The following GLI2 variants were observed in gnomAD, a reference collection of about 807,000 sequenced individuals.
The protein encoded by GLI2 is GLI family zinc finger 2.
Under a neutral mutation model 78.9 loss-of-function variants are expected in GLI2, and 22 were observed. The observed-to-expected ratio is 0.28, with a 90% confidence interval of 0.20 to 0.40. The LOEUF is 0.40. Among genes scored for constraint, GLI2 ranks in the 10% least tolerant of loss-of-function variants. The pLI is 1.00. For missense variants in GLI2, 2,097 were observed against 2,213.2 expected (o/e 0.95, Z 1.05); for synonymous variants, 974 against 963.7 (o/e 1.01, Z -0.20).
intron 3 of GLI2, among the ~76,000 whole-genome samples, chr2:120,934,439 C>G (rs944838655): frequency 6.6e-6 from 1 of 152,258 alleles, no homozygotes; most frequent in Non-Finnish European, 1.5e-5. Flanking sequence ...CTGACCACTG[C>G]TGATGGCTTC....
chr2:120,742,491 G>C (rs976351471), intron 1 of GLI2, among the ~76,000 whole-genome samples: 2 of 152,100 alleles, frequency 1.3e-5, no homozygotes. Flanking sequence ...GGTTAGTGGC[G>C]ATGAATGGTA....
chr2:120,761,257 G>A (rs977820931), intron 1 of GLI2, among the ~76,000 whole-genome samples: 9 of 152,180 alleles, frequency 5.9e-5, no homozygotes, highest in African/African-American at 2.2e-4. Flanking sequence ...GGGACATATG[G>A]GCTGGGTGGG....
At chr2:120,843,402 G>A (rs182736352) in intron 2 of GLI2, among the ~76,000 whole-genome samples, 64 of 152,284 alleles carry the variant, frequency 4.2e-4, no homozygotes, top group Non-Finnish European at 7.2e-4. Context: ...GAACTTAGAC[G>A]TCAGGACAAG....
At chr2:120,857,337 C>T (rs1398075078) in intron 2 of GLI2, among the ~76,000 whole-genome samples, 1 of 141,124 alleles carries the variant, frequency 7.1e-6, no homozygotes, top group East Asian at 2.2e-4. Flanking sequence ...ACCCACCTAC[C>T]CATCTGCCCA....
At chr2:120,766,197 A>G (rs777891999) in intron 1 of GLI2, among the ~76,000 whole-genome samples, 1 of 152,206 alleles carries the variant, frequency 6.6e-6, no homozygotes, top group Non-Finnish European at 1.5e-5. Flanking sequence ...GTGACCTCGC[A>G]GCCTTCGGTC....
At chr2:120,910,750 A>G (rs1305157723) in intron 2 of GLI2, among the ~76,000 whole-genome samples, 1 of 152,200 alleles carries the variant, frequency 6.6e-6, no homozygotes, top group African/African-American at 2.4e-5. Context: ...CACCAGGAAC[A>G]CAGCTGGGGA....
chr2:120,788,650 T>C (rs1040839758), intron 1 of GLI2, among the ~76,000 whole-genome samples: 1 of 152,246 alleles, frequency 6.6e-6, no homozygotes, highest in Non-Finnish European at 1.5e-5. Context: ...TTAGGGTTAA[T>C]TATCTGTTTT....
Position 120,837,409 on chromosome 2 carries a change from A to T in GLI2, c.148+39941A>T, listed in dbSNP as rs928438869. 1.2e-4 allele frequency among the ~76,000 whole-genome samples: 18 copies of T among 150,348 alleles called. 1 individual carries two copies. Among genetic ancestry groups the T allele is most frequent in the Non-Finnish European group, 2.5e-4 (17 of 67,386 alleles). ...ACTCCATCTCAAAAAAAAAAAAAAA[A>T]AAAAAGTCTTAATCTTGTTTAGACA... On this transcript the variant is annotated intron_variant, in intron 2 of 13. Transcript: ENST00000361492.
At chr2:120,906,569 C>T (rs1180335359) in intron 2 of GLI2, among the ~76,000 whole-genome samples, 1 of 152,126 alleles carries the variant, frequency 6.6e-6, no homozygotes, top group East Asian at 1.9e-4. Flanking sequence ...ATCTCGTCCT[C>T]CTTCAAGGTC....
rs1682977158 is a variant in GLI2 at position 120,986,400 on chromosome 2, C to T, written c.2028C>T (p.Asp676=). 3.7e-6 allele frequency: 6 copies of T among 1,613,592 alleles called. No homozygotes were observed. Among genetic ancestry groups the T allele is most frequent in the Non-Finnish European group, 5.1e-6 (6 of 1,179,962 alleles). Residue 676 remains aspartate, a synonymous_variant, in exon 13 of 14, where the codon GAC becomes GAT. Coordinates refer to ENST00000361492, the MANE Select transcript of GLI2 (RefSeq NM_001374353.1). ...GGACGGGGCCCGGGAGCCTGGGAGACCTGACGGCACTGGATGACACACCCC... is the reference window on the plus strand; with the variant it reads ...GGACGGGGCCCGGGAGCCTGGGAGATCTGACGGCACTGGATGACACACCCC... ...MPGTGPGSLG[D]LTALDDTPPG...
At chr2:120,761,668 C>T (rs1443403782) in intron 1 of GLI2, among the ~76,000 whole-genome samples, 2 of 152,100 alleles carry the variant, frequency 1.3e-5, no homozygotes, top group African/African-American at 4.8e-5. Flanking sequence ...AGCCACCTCC[C>T]CTGCCTCCCT....
At chr2:120,920,405 C>G (rs1328117367) in intron 2 of GLI2, among the ~76,000 whole-genome samples, 1 of 152,178 alleles carries the variant, frequency 6.6e-6, no homozygotes, top group African/African-American at 2.4e-5. Flanking sequence ...CTCTGCAGAC[C>G]CCTACCTCCT....
At chr2:120,823,688 G>A (rs772872563) in intron 2 of GLI2, among the ~76,000 whole-genome samples, 11 of 152,202 alleles carry the variant, frequency 7.2e-5, no homozygotes, top group Admixed American at 2.0e-4. Flanking sequence ...AAGATCTCCC[G>A]GCTGTGGGCT....
chr2:120,763,441 G>A (rs1683276064), intron 1 of GLI2, among the ~76,000 whole-genome samples: 1 of 152,226 alleles, frequency 6.6e-6, no homozygotes, highest in African/African-American at 2.4e-5. Flanking sequence ...GGGGAAGTGG[G>A]GATAAAGGGA....
Position 120,986,446 on chromosome 2 carries a change from C to G in GLI2, c.2074C>G (p.Leu692Val). Residue 692 changes from leucine (L) to valine (V), a missense_variant, in exon 13 of 14, where the codon CTG becomes GTG. Coordinates refer to ENST00000361492, the MANE Select transcript of GLI2 (RefSeq NM_001374353.1). The stretch of plus-strand genomic sequence containing the variant: ...ACCCCCAGGGGCCGACACCTCAGCC[C>G]TGGCTGCCCCCTCCGCTGGTGGCCT... Reference protein sequence around the residue: ...DTPPGADTSALAAPSAGGLQL... With the variant: ...DTPPGADTSAVAAPSAGGLQL... The G allele has an allele frequency of 1.2e-6, 2 of 1,613,984 alleles. No individual in the cohort carries two copies. The highest frequency in any genetic ancestry group is 1.7e-6 in the Non-Finnish European group (2 of 1,180,034).
intron 1 of GLI2, among the ~76,000 whole-genome samples, chr2:120,760,170 C>A (rs976942364): frequency 2.6e-5 from 4 of 152,112 alleles, no homozygotes; most frequent in African/African-American, 9.7e-5. Context: ...CCCTGGCCCC[C>A]GTGGGCCTCA....
chr2:120,819,999 GGCA>G (rs921996269), intron 2 of GLI2, among the ~76,000 whole-genome samples: 6 of 152,148 alleles, frequency 3.9e-5, no homozygotes, highest in African/African-American at 7.2e-5. Context: ...TACGAGCACA[GGCA>G]GCAGGATGGC....
intron 2 of GLI2, among the ~76,000 whole-genome samples, chr2:120,888,874 G>A (rs1484104947): frequency 6.6e-6 from 1 of 152,184 alleles, no homozygotes; most frequent in East Asian, 1.9e-4. Flanking sequence ...AGGCTTATCA[G>A]TTAGTGGTGA....
intron 2 of GLI2, among the ~76,000 whole-genome samples, chr2:120,874,464 G>A (rs563343174): frequency 2.6e-5 from 4 of 152,328 alleles, no homozygotes; most frequent in African/African-American, 9.6e-5. Context: ...CCGTCTGTGC[G>A]CAGAGCCCTA....
Sources: gnomAD v4.1 joint callset for allele counts (sites outside exome capture counted in the v4.1 genomes callset) on GRCh38, gnomAD v4.1.1 for gene constraint, MANE v1.5 for transcripts, NCBI Gene and HGNC (gene_info 2026-07-23, HGNC 2026-07-21) for gene names.